The following VTA1 variants were observed in gnomAD, a reference collection of about 807,000 sequenced individuals.
The protein encoded by VTA1 is vacuolar protein sorting-associated protein VTA1 homolog.
In VTA1, 24 loss-of-function variants were observed where a neutral mutation model predicts 36.9. The observed-to-expected ratio is 0.65, with a 90% CI of 0.47 to 0.91. The LOEUF is 0.91. VTA1 is among the 40% of genes least tolerant of loss of function. The pLI, the probability that VTA1 is intolerant of heterozygous loss-of-function variation, is 0.00. For synonymous variants in VTA1, 142 were observed against 130.2 expected (o/e 1.09, Z -0.62); for missense variants, 393 against 377.2 (o/e 1.04, Z -0.35).
intron 7 of VTA1, among the ~76,000 whole-genome samples, chr6:142,211,242 C>T (rs1392124988): frequency 6.6e-6 from 1 of 151,898 alleles, no homozygotes; most frequent in Non-Finnish European, 1.5e-5. Context: ...GAAATGTATG[C>T]TTTGAAACTG....
intron 1 of VTA1, among the ~76,000 whole-genome samples, chr6:142,149,814 G>A (rs189578880): frequency 6.6e-6 from 1 of 151,992 alleles, no homozygotes; most frequent in East Asian, 1.9e-4. Context: ...TCTGTAGATG[G>A]GTGTTTTTAA....
intron 7 of VTA1, among the ~76,000 whole-genome samples, chr6:142,205,787 A>G (rs189047338): frequency 2.6e-5 from 4 of 152,284 alleles, no homozygotes; most frequent in Admixed American, 2.0e-4. Context: ...AAGATGCCCT[A>G]GAATCCTGCC....
chr6:142,206,956 G>A (rs1468585351), intron 7 of VTA1, among the ~76,000 whole-genome samples: 1 of 152,126 alleles, frequency 6.6e-6, no homozygotes, highest in Non-Finnish European at 1.5e-5. Context: ...AAATGGTTCT[G>A]ATGCCTAAAT....
chr6:142,154,781 T>C (rs558188105), intron 1 of VTA1, among the ~76,000 whole-genome samples: 1 of 152,248 alleles, frequency 6.6e-6, no homozygotes, highest in East Asian at 1.9e-4. Context: ...GTAAAATGTC[T>C]TCATGTTTTT....
intron 6 of VTA1, among the ~76,000 whole-genome samples, chr6:142,202,184 T>C (rs2114677121): frequency 6.6e-6 from 1 of 152,010 alleles, no homozygotes; most frequent in South Asian, 2.1e-4. Flanking sequence ...TTATGTGCCT[T>C]TCAGTGTTTG....
At position 142,212,302 on chromosome 6, in the gene VTA1, A is replaced by T. The variant is rs111238258; in HGVS notation, c.779-6196A>T. Among the ~76,000 whole-genome samples, 1,063 of 152,352 alleles carry T rather than the reference A, an allele frequency of 7.0e-3. 15 individuals are homozygous for T. The highest frequency in any genetic ancestry group is 0.024 in the African/African-American group (1,013 of 41,572). On this transcript the variant is annotated intron_variant, in intron 7 of 7. Transcript: ENST00000367630. ...GTCGGTGAATGGATAAATAAACTGC[A>T]GTACATCTAGACAATGGGATATTAT...
intron 7 of VTA1, among the ~76,000 whole-genome samples, chr6:142,217,325 T>G (rs1776020927): frequency 6.6e-6 from 1 of 152,138 alleles, no homozygotes; most frequent in Non-Finnish European, 1.5e-5. Flanking sequence ...TGGGAAATAA[T>G]TTAAAATACA....
At position 142,220,396 on chromosome 6, in the gene VTA1, A is replaced by G. The variant is rs1776085881; in HGVS notation, c.*1753A>G. ...TTCTGGTTCCCAATTGGGAGAGCAC[A>G]TAGAGGGAAGGAGACAATATAGAAA... On this transcript the variant is annotated 3_prime_UTR_variant, in exon 8 of 8. Coordinates refer to ENST00000367630, the MANE Select transcript of VTA1 (RefSeq NM_016485.5). 6.6e-6 allele frequency: 1 copy of G among 152,176 alleles called. No individual in the cohort carries two copies. Among genetic ancestry groups the G allele is most frequent in the Non-Finnish European group, 1.5e-5 (1 of 68,042 alleles). 9.4% of individuals were successfully genotyped at this position (152,176 alleles called of 1,614,324 possible). A position where few individuals can be genotyped will look rare whatever the true frequency, so the allele number is the denominator to read the frequency against.
intron 1 of VTA1, among the ~76,000 whole-genome samples, chr6:142,153,660 C>T (rs559296504): frequency 6.6e-6 from 1 of 151,874 alleles, no homozygotes; most frequent in South Asian, 2.1e-4. Context: ...TAATGTATAT[C>T]AAATTACTTT....
intron 7 of VTA1, among the ~76,000 whole-genome samples, chr6:142,214,828 G>T (rs1414347515): frequency 6.6e-6 from 1 of 152,114 alleles, no homozygotes; most frequent in African/African-American, 2.4e-5. Flanking sequence ...CAACTTTGCT[G>T]TGAACTTAAA....
At chr6:142,208,047 A>G (rs9885870) in intron 7 of VTA1, among the ~76,000 whole-genome samples, 3 of 144,016 alleles carry the variant, frequency 2.1e-5, no homozygotes, top group Non-Finnish European at 3.0e-5. Flanking sequence ...AGATCTCCCC[A>G]CTGCACTCTC....
chr6:142,171,175 A>G (rs1341448647), intron 4 of VTA1, among the ~76,000 whole-genome samples: 1 of 151,328 alleles, frequency 6.6e-6, no homozygotes, highest in African/African-American at 2.4e-5. Context: ...GTTCACTGCA[A>G]CCTCCGCCTC....
At chr6:142,159,088 G>T (rs1283970018) in intron 1 of VTA1, among the ~76,000 whole-genome samples, 1 of 152,144 alleles carries the variant, frequency 6.6e-6, no homozygotes, top group African/African-American at 2.4e-5. Context: ...GGTTGGGCAT[G>T]GTGGCTCATG....
intron 4 of VTA1, among the ~76,000 whole-genome samples, chr6:142,183,174 A>G (rs1775275472): frequency 1.3e-5 from 2 of 152,220 alleles, no homozygotes; most frequent in Admixed American, 6.5e-5. Flanking sequence ...TAATAGCAAT[A>G]TAGAAGTAAT....
chr6:142,190,450 T>G (rs1775432291), intron 5 of VTA1, among the ~76,000 whole-genome samples: 2 of 152,202 alleles, frequency 1.3e-5, no homozygotes, highest in Non-Finnish European at 1.5e-5. Context: ...TTTTTTAACT[T>G]AATATGTACA....
intron 7 of VTA1, among the ~76,000 whole-genome samples, chr6:142,207,651 C>G (rs1412809464): frequency 6.6e-6 from 1 of 151,666 alleles, no homozygotes; most frequent in Non-Finnish European, 1.5e-5. Flanking sequence ...ATTTGTTGAG[C>G]AAATATATGC....
intron 1 of VTA1, 121 bp downstream of exon 1, chr6:142,147,520 G>C: frequency 9.6e-7 from 1 of 1,040,258 alleles, no homozygotes; most frequent in Non-Finnish European, 1.4e-6. Flanking sequence ...CTTTGACCTC[G>C]AGCCTACCCA....
At chr6:142,167,149 G>C (rs930255849) in intron 2 of VTA1, among the ~76,000 whole-genome samples, 15 of 152,144 alleles carry the variant, frequency 9.9e-5, no homozygotes, top group African/African-American at 3.4e-4. Context: ...TGTCGTAGGT[G>C]ACTAATTAGT....
intron 4 of VTA1, among the ~76,000 whole-genome samples, chr6:142,179,658 G>A (rs1266892709): frequency 6.6e-6 from 1 of 152,088 alleles, no homozygotes; most frequent in African/African-American, 2.4e-5. Context: ...CACACCAAAG[G>A]AAGTTGATCT....
Sources: gnomAD v4.1 joint callset for allele counts (sites outside exome capture counted in the v4.1 genomes callset) on GRCh38, gnomAD v4.1.1 for gene constraint, MANE v1.5 for transcripts, NCBI Gene and HGNC (gene_info 2026-07-23, HGNC 2026-07-21) for gene names.